Variants in XKR9 observed in about 807,000 individuals in gnomAD.
The protein encoded by XKR9 is XK-related protein 9.
A neutral mutation model predicts 32.0 loss-of-function variants in XKR9; 32 were observed. The observed-to-expected ratio is 1.00, with a 90% CI of 0.76 to 1.34. The LOEUF is 1.34. XKR9 is among the 40% of genes most tolerant of loss of function. The pLI, the probability that XKR9 is intolerant of heterozygous loss-of-function variation, is 0.00. For synonymous variants in XKR9, 168 were observed against 143.4 expected, an observed-to-expected ratio of 1.17 and a Z score of -1.22; for missense variants, 546 against 429.7, an observed-to-expected ratio of 1.27 and a Z score of -2.39.
chr8:70,995,783 TGCCTACTTCTAG>T, the XKR9 span, among the ~76,000 whole-genome samples: 1 of 152,226 alleles, frequency 6.6e-6, no homozygotes, highest in African/African-American at 2.4e-5. Context: ...CCTGTGAATA[TGCCTACTTCTAG>T]GCCTTATTCT....
intron 2 of XKR9, among the ~76,000 whole-genome samples, chr8:70,765,786 G>A (rs1046265762): frequency 3.9e-5 from 6 of 152,134 alleles, no homozygotes; most frequent in African/African-American, 4.8e-5. Flanking sequence ...CTTTGCATAA[G>A]GTGTAAGGAA....
In XKR9 at chr8:70,735,489, G is replaced by A. The variant is rs201563475; in HGVS notation, c.*1065G>A. ...ATTATTATTATTATTATACTTTAAG[G>A]TTTAGGGTACATGTGCACAATGTGC... On this transcript the variant is annotated 3_prime_UTR_variant, in exon 5 of 5. Transcript: ENST00000408926. 6.7e-6 allele frequency: 1 copy of A among 148,636 alleles called. No homozygotes were observed. Among genetic ancestry groups the A allele is most frequent in the Non-Finnish European group, 1.5e-5 (1 of 66,890 alleles). The allele number at this position is 148,636 out of a possible 1,614,324, so 9.2% of individuals were successfully genotyped here.
rs543950122 is a variant in XKR9, at chr8:70,685,769, G to T, written c.272+4439G>T. 7.8e-3 allele frequency among the ~76,000 whole-genome samples: 1,127 copies of T among 143,828 alleles called. 10 individuals carry two copies. Among genetic ancestry groups the T allele is most frequent in the Non-Finnish European group, 0.012 (805 of 65,836 alleles). The allele number at this position is 143,828 out of a possible 152,430, so 94.4% of individuals were successfully genotyped here. A position where few individuals can be genotyped will look rare whatever the true frequency, so the allele number is the denominator to read the frequency against. ...GGAGGGGGGAGGGATAGCATTAGGA[G>T]ATATACCTAATGCTAAATGATGAGT... is the stretch of plus-strand genomic sequence containing the variant. On this transcript the variant is annotated intron_variant, in intron 3 of 4. Coordinates refer to ENST00000408926, the MANE Select transcript of XKR9 (RefSeq NM_001011720.2).
chr8:70,984,344 C>T, the XKR9 span, among the ~76,000 whole-genome samples: 3 of 152,216 alleles, frequency 2.0e-5, no homozygotes, highest in East Asian at 5.8e-4. Flanking sequence ...CCTCTGAAGT[C>T]TTACTGCATC....
the XKR9 span, among the ~76,000 whole-genome samples, chr8:71,051,344 C>A: frequency 1.3e-4 from 20 of 152,264 alleles, no homozygotes; most frequent in Admixed American, 1.2e-3. Flanking sequence ...TCCTTTCCAT[C>A]AAGTTTAACA....
chr8:70,791,359 A>T (rs1807762291), downstream of XKR9, among the ~76,000 whole-genome samples: 1 of 151,968 alleles, frequency 6.6e-6, no homozygotes, highest in South Asian at 2.1e-4. Flanking sequence ...TATTTTTCTT[A>T]GCAGTACACA....
the XKR9 span, among the ~76,000 whole-genome samples, chr8:71,059,669 G>T: frequency 6.6e-6 from 1 of 152,078 alleles, no homozygotes; most frequent in African/African-American, 2.4e-5. Flanking sequence ...GTGAAGGACC[G>T]GCTCTCTCTG....
intron 4 of XKR9, among the ~76,000 whole-genome samples, chr8:70,728,119 T>C (rs1388296198): frequency 6.6e-6 from 1 of 152,168 alleles, no homozygotes; most frequent in Non-Finnish European, 1.5e-5. Flanking sequence ...CCTCCCAAAG[T>C]TAGATCAACC....
the XKR9 span, among the ~76,000 whole-genome samples, chr8:70,974,868 C>A: frequency 5.9e-5 from 9 of 152,152 alleles, no homozygotes; most frequent in African/African-American, 1.9e-4. Context: ...AGTGTAAAAG[C>A]ATTCCTTTTC....
the XKR9 span, among the ~76,000 whole-genome samples, chr8:70,872,262 C>T: frequency 6.6e-6 from 1 of 152,186 alleles, no homozygotes; most frequent in East Asian, 1.9e-4. Flanking sequence ...AAGAGAAAAG[C>T]AGCCACAACA....
intron 4 of XKR9, among the ~76,000 whole-genome samples, chr8:70,723,444 A>G (rs910281932): frequency 2.6e-5 from 4 of 152,120 alleles, no homozygotes; most frequent in African/African-American, 9.6e-5. Flanking sequence ...TCGTGGATTT[A>G]TCTACCTTTG....
At chr8:70,972,119 A>T in the XKR9 span, among the ~76,000 whole-genome samples, 1 of 152,038 alleles carries the variant, frequency 6.6e-6, no homozygotes, top group Admixed American at 6.6e-5. Context: ...TGTTTGTGTC[A>T]TCTATGATTT....
At chr8:70,790,140 G>C (rs1395782682) in exon 4 of XKR9, 1 of 149,244 alleles carries the variant, frequency 6.7e-6, no homozygotes. Context: ...TACTTCGGCT[G>C]TTTCTTATAG....
chr8:70,755,827 G>T (rs957408480), intron 2 of XKR9, among the ~76,000 whole-genome samples: 1 of 151,372 alleles, frequency 6.6e-6, no homozygotes. Flanking sequence ...GAGTTAATGG[G>T]TGCAGCACAC....
chr8:70,712,018 G>C (rs1805935990), intron 4 of XKR9, among the ~76,000 whole-genome samples: 1 of 152,180 alleles, frequency 6.6e-6, no homozygotes, highest in Admixed American at 6.5e-5. Flanking sequence ...GTGTATAGTA[G>C]TACTTCAGAA....
At chr8:70,894,038 G>A in the XKR9 span, among the ~76,000 whole-genome samples, 2 of 152,084 alleles carry the variant, frequency 1.3e-5, no homozygotes, top group African/African-American at 4.8e-5. Context: ...CCTCTGAGAA[G>A]CAAGGCATAG....
intron 3 of XKR9, among the ~76,000 whole-genome samples, chr8:70,702,835 G>C (rs1272474112): frequency 1.3e-5 from 2 of 152,018 alleles, no homozygotes; most frequent in Non-Finnish European, 2.9e-5. Context: ...TTTGTATCTT[G>C]CTTTTTAAAA....
chr8:70,770,856 G>C (rs1283173373), intron 2 of XKR9, among the ~76,000 whole-genome samples: 2 of 152,216 alleles, frequency 1.3e-5, no homozygotes, highest in Non-Finnish European at 2.9e-5. Context: ...GATCTGTGTG[G>C]GTGGGACCTG....
chr8:70,943,427 G>A, the XKR9 span, among the ~76,000 whole-genome samples: 1 of 152,000 alleles, frequency 6.6e-6, no homozygotes, highest in East Asian at 1.9e-4. Context: ...CATTTTTGTT[G>A]AAATACATTT....
Sources: gnomAD v4.1 joint callset for allele counts (sites outside exome capture counted in the v4.1 genomes callset) on GRCh38, gnomAD v4.1.1 for gene constraint, MANE v1.5 for transcripts, NCBI Gene and HGNC (gene_info 2026-07-23, HGNC 2026-07-21) for gene names.